Variants in FBXL2 observed in about 807,000 individuals in gnomAD.
FBXL2 encodes the protein F-box and leucine rich repeat protein 2, also known as F-box/LRR-repeat protein 2.
FBXL2 carries 38 observed loss-of-function variants against 69.2 expected under a neutral mutation model. That is an observed-to-expected ratio of 0.55 (90% CI 0.42 to 0.72). The LOEUF is 0.72. Ranked by LOEUF, FBXL2 falls within the 30% of genes least tolerant of loss-of-function variation. The probability of loss-of-function intolerance (pLI) is 0.00; values close to 1 mark genes in which losing one functional copy is unlikely to be tolerated. For synonymous variants in FBXL2, 192 were observed against 201.3 expected (o/e 0.95, Z 0.39); for missense variants, 354 against 520.3 (o/e 0.68, Z 3.11).
chr3:33,332,110 A>G (rs1335957714), intron 2 of FBXL2, among the ~76,000 whole-genome samples: 2 of 152,182 alleles, frequency 1.3e-5, no homozygotes, highest in Non-Finnish European at 2.9e-5. Context: ...AAAAACCTAG[A>G]TACAATATAA....
chr3:33,366,702 T>G (rs1440625843), intron 5 of FBXL2, among the ~76,000 whole-genome samples: 1 of 152,074 alleles, frequency 6.6e-6, no homozygotes. Context: ...CGGTGGCTCA[T>G]GCCTGTAATC....
chr3:33,315,148 CTT>C (rs940002540), intron 2 of FBXL2, among the ~76,000 whole-genome samples: 1 of 152,026 alleles, frequency 6.6e-6, no homozygotes, highest in Non-Finnish European at 1.5e-5. Context: ...GTGAAATCAG[CTT>C]TTTTGTCCTC....
At chr3:33,346,992 T>C (rs2040490283) in intron 2 of FBXL2, among the ~76,000 whole-genome samples, 2 of 152,182 alleles carry the variant, frequency 1.3e-5, no homozygotes, top group Non-Finnish European at 2.9e-5. Context: ...CTCTTGTATG[T>C]TTAAGTGTAG....
At position 33,400,118 on chromosome 3, in the gene FBXL2, T is replaced by C. The variant is rs530104233; in HGVS notation, n.1215-3116T>C. On this transcript the variant is annotated intron_variant and non_coding_transcript_variant, in intron 12 of 12. Coordinates refer to the FBXL2 transcript ENST00000463736. ...TAGTTATTTCAAAATTTTAAAAATA[T>C]AAAGTTAATAAAAGCACAGAAACAA... is the stretch of plus-strand genomic sequence containing the variant. 27 of 1,051,312 alleles carry C rather than the reference T, an allele frequency of 2.6e-5. 1 individual carries two copies. Among genetic ancestry groups the C allele is most frequent in the African/African-American group, 2.2e-4 (13 of 59,050 alleles). The allele number at this position is 1,051,312 out of a possible 1,614,324, so 65.1% of individuals were successfully genotyped here.
At position 33,400,182 on chromosome 3, in the gene FBXL2, C is replaced by CACA. The variant is rs767160728; in HGVS notation, n.1215-3051_1215-3049dup. The CACA allele has an allele frequency of 2.6e-6, 4 of 1,567,776 alleles. No homozygotes were observed. The African/African-American group carries it at 5.5e-5, about 22-fold the overall frequency. Reference sequence around the variant, plus strand: ...TCATGCACAGATACACACACACATACACATACCTGAAAAATTAGAGAACAG... The same window carrying CACA: ...TCATGCACAGATACACACACACATACACAACATACCTGAAAAATTAGAGAACAG... On this transcript the variant is annotated intron_variant and non_coding_transcript_variant, in intron 12 of 12. Coordinates refer to the FBXL2 transcript ENST00000463736.
At chr3:33,368,486 C>T (rs2042092400) in intron 5 of FBXL2, among the ~76,000 whole-genome samples, 4 of 152,140 alleles carry the variant, frequency 2.6e-5, no homozygotes, top group Admixed American at 2.6e-4. Context: ...CTGATATAGT[C>T]ATTCCAGCTT....
chr3:33,343,706 A>T lies in FBXL2; in HGVS notation c.66-15261A>T, dbSNP rs540987972. On this transcript the variant is annotated intron_variant, in intron 2 of 14. Coordinates refer to ENST00000484457, the MANE Select transcript of FBXL2 (RefSeq NM_012157.5). ...TATATAGTGTAATTTTCCAGTTTTT[A>T]AAAAATTTTGTCATTATGAAGATAC... Among the ~76,000 whole-genome samples the T allele has an allele frequency of 1.1e-4, 16 of 152,192 alleles. No homozygotes were observed. The East Asian group carries it at 1.3e-3, about 13-fold the overall frequency.
chr3:33,363,484 G>A (rs2041766030), intron 4 of FBXL2, among the ~76,000 whole-genome samples: 1 of 152,210 alleles, frequency 6.6e-6, no homozygotes, highest in African/African-American at 2.4e-5. Flanking sequence ...GGTAGAGGTT[G>A]TAGTTAGTAT....
In FBXL2 at chr3:33,311,631, C is replaced by CT. The variant is rs1000972553; in HGVS notation, c.65+13916dup. On this transcript the variant is annotated intron_variant, in intron 2 of 14. Coordinates refer to ENST00000484457, the MANE Select transcript of FBXL2 (RefSeq NM_012157.5). ...TCTTAGCTACGGAATTTGTTTGGCTCTTTTTTTTTTGAGACAGAGTCTTGC... is the reference window on the plus strand; with the variant it reads ...TCTTAGCTACGGAATTTGTTTGGCTCTTTTTTTTTTTGAGACAGAGTCTTGC... 8.5e-4 allele frequency among the ~76,000 whole-genome samples: 126 copies of CT among 148,180 alleles called. 1 individual carries two copies. Among genetic ancestry groups the CT allele is most frequent in the Non-Finnish European group, 1.0e-3 (68 of 66,632 alleles).
At chr3:33,397,056 T>G (rs1342294721) in intron 12 of FBXL2, 1 of 1,592,924 alleles carries the variant, frequency 6.3e-7, no homozygotes, top group Non-Finnish European at 8.5e-7. Flanking sequence ...TTGACTTCAG[T>G]GAATTATAGA....
At chr3:33,395,849 CAA>C (rs1185296193) in intron 12 of FBXL2, among the ~76,000 whole-genome samples, 4 of 105,842 alleles carry the variant, frequency 3.8e-5, no homozygotes, top group Admixed American at 9.8e-5. Flanking sequence ...TAAATCTGAC[CAA>C]AAAAAAAAAA....
intron 12 of FBXL2, chr3:33,396,335 G>T: frequency 7.7e-7 from 1 of 1,299,536 alleles, no homozygotes; most frequent in Non-Finnish European, 1.1e-6. Context: ...CCTTACACAT[G>T]TACAAATATG....
downstream of FBXL2, among the ~76,000 whole-genome samples, chr3:33,406,660 A>T (rs1344751588): frequency 1.3e-5 from 2 of 152,240 alleles, no homozygotes; most frequent in African/African-American, 2.4e-5. Flanking sequence ...AGATTCTTCT[A>T]ACATTCGAAA....
intron 2 of FBXL2, among the ~76,000 whole-genome samples, chr3:33,322,341 G>A (rs1264832031): frequency 1.3e-5 from 2 of 152,036 alleles, no homozygotes; most frequent in Non-Finnish European, 2.9e-5. Context: ...GCCTCCAAAA[G>A]TGCTGGGATT....
intron 2 of FBXL2, among the ~76,000 whole-genome samples, chr3:33,327,338 T>C (rs2038776609): frequency 6.6e-6 from 1 of 152,126 alleles, no homozygotes; most frequent in Admixed American, 6.5e-5. Flanking sequence ...ACTTGAACCA[T>C]AGCCTATTGA....
intron 12 of FBXL2, among the ~76,000 whole-genome samples, chr3:33,394,400 A>ATTT (rs2043886322): frequency 6.6e-6 from 1 of 152,114 alleles, no homozygotes; most frequent in African/African-American, 2.4e-5. Context: ...ATCCTAAGGA[A>ATTT]TAAAAGCTAT....
At chr3:33,319,275 T>C (rs1293013618) in intron 2 of FBXL2, among the ~76,000 whole-genome samples, 1 of 152,136 alleles carries the variant, frequency 6.6e-6, no homozygotes, top group African/African-American at 2.4e-5. Flanking sequence ...GAGGACTTAT[T>C]GAAAATAATT....
At chr3:33,359,745 GAGTGAGGCTGGAGATCTAAAGTGTC>G (rs1246431170) in intron 4 of FBXL2, among the ~76,000 whole-genome samples, 1 of 151,338 alleles carries the variant, frequency 6.6e-6, no homozygotes, top group Non-Finnish European at 1.5e-5. Flanking sequence ...AGAAGCCCAA[GAGTGAGGCTGGAGATCTAAAGTGTC>G]ACCCTAGCTT....
At chr3:33,360,516 G>T (rs1172315078) in intron 4 of FBXL2, among the ~76,000 whole-genome samples, 3 of 152,092 alleles carry the variant, frequency 2.0e-5, no homozygotes, top group Admixed American at 6.6e-5. Context: ...CTCTTGGAAG[G>T]GGGCAGGGAC....
Sources: gnomAD v4.1 joint callset for allele counts (sites outside exome capture counted in the v4.1 genomes callset) on GRCh38, gnomAD v4.1.1 for gene constraint, MANE v1.5 for transcripts, NCBI Gene and HGNC (gene_info 2026-07-23, HGNC 2026-07-21) for gene names.